MRPS28: variants seen among roughly 807,000 people sequenced by gnomAD.
MRPS28 encodes the protein mitochondrial ribosomal protein S28, also known as small ribosomal subunit protein bS1m.
In MRPS28, 7 loss-of-function variants were observed where a neutral mutation model predicts 10.8. The observed-to-expected ratio is 0.65, with a 90% CI of 0.37 to 1.22. MRPS28 has a LOEUF of 1.22. Ranked by LOEUF, MRPS28 falls within the 50% of genes most tolerant of loss-of-function variation. The pLI is 0.02. For synonymous variants in MRPS28, 121 were observed against 93.3 expected (o/e 1.30, Z -1.71); for missense variants, 265 against 232.9 (o/e 1.14, Z -0.90).
intron 2 of MRPS28, among the ~76,000 whole-genome samples, chr8:79,969,378 T>C (rs1807574683): frequency 1.3e-5 from 2 of 152,096 alleles, no homozygotes; most frequent in South Asian, 4.1e-4. Flanking sequence ...AAAGAAAATA[T>C]TAAACATAGC....
At chr8:79,966,896 A>G (rs1807517961) in intron 2 of MRPS28, among the ~76,000 whole-genome samples, 1 of 152,176 alleles carries the variant, frequency 6.6e-6, no homozygotes, top group Non-Finnish European at 1.5e-5. Flanking sequence ...ATTCCAAGGT[A>G]TAAATTGTTT....
intron 2 of MRPS28, among the ~76,000 whole-genome samples, chr8:79,952,979 G>C (rs1367725693): frequency 6.6e-6 from 1 of 152,164 alleles, no homozygotes; most frequent in Non-Finnish European, 1.5e-5. Flanking sequence ...TTTCAGTAGT[G>C]AGAAAATTAA....
rs575394055 is a variant in MRPS28, at chr8:79,984,114, A to G, written c.395+18885T>C. On this transcript the variant is annotated intron_variant, in intron 2 of 2. Coordinates refer to ENST00000276585, the MANE Select transcript of MRPS28 (RefSeq NM_014018.3). Reference sequence around the variant, plus strand: ...TACAAGCCAGAAGAGAGTGGGGGCCAATATTCAACATTCTTAAAGAAAAGA... The same window carrying G: ...TACAAGCCAGAAGAGAGTGGGGGCCGATATTCAACATTCTTAAAGAAAAGA... 1.4e-4 allele frequency among the ~76,000 whole-genome samples: 21 copies of G among 152,258 alleles called. 1 individual carries two copies. The highest frequency in any genetic ancestry group is 4.6e-4 in the African/African-American group (19 of 41,530).
At chr8:79,952,969 T>C (rs1309256495) in intron 2 of MRPS28, among the ~76,000 whole-genome samples, 1 of 152,170 alleles carries the variant, frequency 6.6e-6, no homozygotes, top group Non-Finnish European at 1.5e-5. Context: ...TAGAGATAAC[T>C]TTCAGTAGTG....
chr8:79,955,158 T>C (rs1807173437), intron 2 of MRPS28, among the ~76,000 whole-genome samples: 1 of 152,214 alleles, frequency 6.6e-6, no homozygotes, highest in Non-Finnish European at 1.5e-5. Flanking sequence ...CCAGTTTTCC[T>C]GACTGCACCC....
intron 2 of MRPS28, among the ~76,000 whole-genome samples, chr8:79,998,330 G>C (rs1049391683): frequency 6.6e-6 from 1 of 152,120 alleles, no homozygotes; most frequent in Non-Finnish European, 1.5e-5. Flanking sequence ...CTGACTTCAA[G>C]TCATAAGCTG....
At chr8:79,922,748 T>C (rs1810128832) in intron 2 of MRPS28, among the ~76,000 whole-genome samples, 1 of 152,112 alleles carries the variant, frequency 6.6e-6, no homozygotes, top group East Asian at 1.9e-4. Flanking sequence ...ATTTTAAAAG[T>C]TAAACATCAA....
intron 2 of MRPS28, among the ~76,000 whole-genome samples, chr8:79,944,485 T>G (rs892515459): frequency 6.6e-6 from 1 of 152,184 alleles, no homozygotes; most frequent in Non-Finnish European, 1.5e-5. Flanking sequence ...AAATTTGGTC[T>G]GAGATTTGCT....
chr8:80,017,480 C>T (rs964053283), intron 1 of MRPS28, among the ~76,000 whole-genome samples: 1 of 152,146 alleles, frequency 6.6e-6, no homozygotes, highest in African/African-American at 2.4e-5. Flanking sequence ...CAACTCTATA[C>T]CCACAGATTT....
At chr8:79,984,146 A>G (rs2130090760) in intron 2 of MRPS28, among the ~76,000 whole-genome samples, 1 of 152,324 alleles carries the variant, frequency 6.6e-6, no homozygotes, top group Non-Finnish European at 1.5e-5. Flanking sequence ...AAGAATTTTC[A>G]ACCCAGAAGT....
At chr8:79,950,851 C>T (rs1229738371) in intron 2 of MRPS28, among the ~76,000 whole-genome samples, 1 of 152,200 alleles carries the variant, frequency 6.6e-6, no homozygotes, top group Non-Finnish European at 1.5e-5. Flanking sequence ...AGCATATGCC[C>T]TGTAGCTTTC....
intron 2 of MRPS28, among the ~76,000 whole-genome samples, chr8:79,974,022 G>A (rs571897008): frequency 6.6e-6 from 1 of 152,132 alleles, no homozygotes; most frequent in Admixed American, 6.5e-5. Context: ...TGGGATTACA[G>A]GCATGAGCCA....
At chr8:79,923,506 A>G (rs904895197) in intron 2 of MRPS28, among the ~76,000 whole-genome samples, 1 of 152,204 alleles carries the variant, frequency 6.6e-6, no homozygotes, top group African/African-American at 2.4e-5. Flanking sequence ...ATTAAAAACA[A>G]TATCTACTGC....
intron 2 of MRPS28, among the ~76,000 whole-genome samples, chr8:79,928,222 T>A (rs930915221): frequency 1.3e-5 from 2 of 151,974 alleles, no homozygotes; most frequent in African/African-American, 2.4e-5. Context: ...TTCCAGCTAC[T>A]GGGGAGGCTG....
intron 2 of MRPS28, among the ~76,000 whole-genome samples, chr8:79,938,440 T>C (rs962114304): frequency 2.8e-5 from 4 of 144,432 alleles, no homozygotes; most frequent in Non-Finnish European, 6.1e-5. Context: ...TTTTTTTTTT[T>C]CAAACCATGC....
At chr8:80,019,510 C>T (rs547824449) in intron 1 of MRPS28, among the ~76,000 whole-genome samples, 7 of 151,354 alleles carry the variant, frequency 4.6e-5, no homozygotes, top group Non-Finnish European at 8.8e-5. Flanking sequence ...TAAAGAATAT[C>T]TACAAAAAAC....
intron 2 of MRPS28, among the ~76,000 whole-genome samples, chr8:79,919,771 CA>C (rs1403757678): frequency 6.6e-6 from 1 of 152,184 alleles, no homozygotes; most frequent in Non-Finnish European, 1.5e-5. Context: ...AAAGAAGTTT[CA>C]GATACATTTT....
intron 2 of MRPS28, among the ~76,000 whole-genome samples, chr8:79,969,118 G>T (rs950417356): frequency 2.0e-5 from 3 of 152,152 alleles, no homozygotes; most frequent in African/African-American, 7.2e-5. Flanking sequence ...CTATGAACAA[G>T]TCTATTATAT....
chr8:79,971,286 T>C (rs1807625815), intron 2 of MRPS28, among the ~76,000 whole-genome samples: 1 of 152,206 alleles, frequency 6.6e-6, no homozygotes, highest in African/African-American at 2.4e-5. Flanking sequence ...AAGAAAGAAC[T>C]GAGTCTCTTG....
Sources: gnomAD v4.1 joint callset for allele counts (sites outside exome capture counted in the v4.1 genomes callset) on GRCh38, gnomAD v4.1.1 for gene constraint, MANE v1.5 for transcripts, NCBI Gene and HGNC (gene_info 2026-07-23, HGNC 2026-07-21) for gene names.